SNAI3: variants seen among roughly 807,000 people sequenced by gnomAD.
SNAI3 encodes snail family transcriptional repressor 3.
SNAI3 carries 21 observed loss-of-function variants against 16.4 expected under a neutral mutation model. The observed-to-expected ratio is 1.28, with a 90% CI of 0.91 to 1.85. The LOEUF is 1.85. Ranked by LOEUF, SNAI3 falls within the 40% of genes most tolerant of loss-of-function variation. SNAI3 has a pLI of 0.00. For missense variants in SNAI3, 457 were observed against 372.8 expected (o/e 1.23, Z -1.86); for synonymous variants, 202 against 166.6 (o/e 1.21, Z -1.64).
At chr16:88,684,360 G>A (rs1001366854) in intron 1 of SNAI3, among the ~76,000 whole-genome samples, 6 of 152,202 alleles carry the variant, frequency 3.9e-5, no homozygotes, top group African/African-American at 1.2e-4. Flanking sequence ...GAGGCAGGAC[G>A]GGGCAAGAGA....
chr16:88,678,423 C>T lies in SNAI3; in HGVS notation c.*25G>A. The T allele has an allele frequency of 5.4e-6, 4 of 747,154 alleles. No individual in the cohort carries two copies. The highest frequency in any genetic ancestry group is 7.4e-6 in the Non-Finnish European group (3 of 407,018). The allele number at this position is 747,154 out of a possible 1,614,324, so 46.3% of individuals were successfully genotyped here. The stretch of plus-strand genomic sequence containing the variant: ...AGCTCTCCCGGTGAGGACCATCCCT[C>T]CTACCTGCGCCGACCACGTGCCTCT... On this transcript the variant is annotated 3_prime_UTR_variant, in exon 3 of 3. Transcript: ENST00000332281.
intron 1 of SNAI3, 79 bp downstream of exon 1, chr16:88,686,252 C>G (rs1909354667): frequency 6.6e-7 from 1 of 1,519,934 alleles, no homozygotes; most frequent in Non-Finnish European, 8.9e-7. Flanking sequence ...CCCCAGCCCC[C>G]GCTCCCAGGG....
intron 2 of SNAI3, 187 bp from the exon 3 acceptor site, chr16:88,678,816 G>A: frequency 1.0e-6 from 1 of 985,478 alleles, no homozygotes; most frequent in Non-Finnish European, 1.2e-6. Flanking sequence ...CAGGAGCACA[G>A]GCAGCCACAG....
intron 2 of SNAI3, among the ~76,000 whole-genome samples, chr16:88,680,263 A>C (rs920130366): frequency 8.6e-6 from 1 of 116,798 alleles, no homozygotes; most frequent in Admixed American, 9.1e-5. Flanking sequence ...CTTTAATGGC[A>C]TTATGTTTTT....
chr16:88,679,775 A>AAAAAAAAAG lies in SNAI3; in HGVS notation c.698-1147_698-1146insCTTTTTTTT, dbSNP rs1555545688. Among the ~76,000 whole-genome samples, 814 of 106,504 alleles carry AAAAAAAAAG rather than the reference A, an allele frequency of 7.6e-3. 14 individuals are homozygous for AAAAAAAAAG. Among genetic ancestry groups the AAAAAAAAAG allele is most frequent in the African/African-American group, 0.012 (334 of 28,738 alleles). The allele number at this position is 106,504 out of a possible 152,430, so 69.9% of individuals were successfully genotyped here. ...AGACTCTGTCTCAAAAAAAAAAAAA[A>AAAAAAAAAG]AAAAAAAGAAAAAGTGTGAACTAGC... On this transcript the variant is annotated intron_variant, in intron 2 of 2. Transcript: ENST00000332281.
intron 2 of SNAI3, among the ~76,000 whole-genome samples, chr16:88,680,248 T>C (rs1909119556): frequency 6.6e-6 from 1 of 151,670 alleles, no homozygotes; most frequent in Admixed American, 6.6e-5. Context: ...CAGGCCACTT[T>C]TGTACTTTAA....
chr16:88,680,134 G>C (rs556737171), intron 2 of SNAI3, among the ~76,000 whole-genome samples: 2 of 151,302 alleles, frequency 1.3e-5, no homozygotes, highest in South Asian at 4.2e-4. Flanking sequence ...TGTGGAGACT[G>C]AAGCTTATTC....
rs888977442 is a variant in SNAI3 at position 88,682,329 on chromosome 16, G to A, written c.77-615C>T. ...ACTCTACTGTGCTCTGAATGCAGCT[G>A]AGCCACATGGCTGGGGTGCTCTGGC... On this transcript the variant is annotated intron_variant, in intron 1 of 2. Transcript: ENST00000332281. Among the ~76,000 whole-genome samples the A allele has an allele frequency of 5.9e-5, 9 of 152,348 alleles. No homozygotes were observed. In the East Asian group the frequency reaches 1.2e-3, roughly 20 times the overall value.
rs1034883449 is a variant in SNAI3, at chr16:88,686,479, C to T, written c.-73G>A. On this transcript the variant is annotated 5_prime_UTR_variant, in exon 1 of 3. Coordinates refer to ENST00000332281, the MANE Select transcript of SNAI3 (RefSeq NM_178310.4). ...GCGCCTGGGTCCGGACTGCTGCGTCCGCCGGCGCTTGAAGGGGTCAGGCTC... is the reference window on the plus strand; with the variant it reads ...GCGCCTGGGTCCGGACTGCTGCGTCTGCCGGCGCTTGAAGGGGTCAGGCTC... The T allele has an allele frequency of 1.3e-6, 2 of 1,570,522 alleles. No homozygotes were observed. Among genetic ancestry groups the T allele is most frequent in the African/African-American group, 1.4e-5 (1 of 73,688 alleles).
chr16:88,681,503 C>T lies in SNAI3; in HGVS notation c.288G>A (p.Arg96=), dbSNP rs757977211. The T allele has an allele frequency of 9.7e-6, 15 of 1,545,358 alleles. No individual in the cohort carries two copies. Among genetic ancestry groups the T allele is most frequent in the Non-Finnish European group, 1.2e-5 (14 of 1,140,710 alleles). Residue 96 remains arginine (R), a synonymous_variant, in exon 2 of 3, where the codon CGG becomes CGA. Coordinates refer to ENST00000332281, the MANE Select transcript of SNAI3 (RefSeq NM_178310.4). The surrounding 1 kb of genome is among the most constrained non-coding windows in gnomAD (Gnocchi z 5.4). The part of the protein sequence containing the change: ...DALEVSEVDP[R]ASRAAIVPLK... Reference sequence around the variant, plus strand: ...GGGGTACAATGGCGGCCCGGCTGGCCCGAGGGTCGACCTCGCTGACTTCCA... The same window carrying T: ...GGGGTACAATGGCGGCCCGGCTGGCTCGAGGGTCGACCTCGCTGACTTCCA...
chr16:88,682,268 G>A (rs909306608), intron 1 of SNAI3, among the ~76,000 whole-genome samples: 13 of 152,260 alleles, frequency 8.5e-5, no homozygotes, highest in African/African-American at 2.9e-4. Flanking sequence ...ACGAGGCAGT[G>A]AGCTCAGAAG....
Position 88,678,133 on chromosome 16 carries a change from C to G in SNAI3, c.*315G>C, listed in dbSNP as rs1051802657. On this transcript the variant is annotated 3_prime_UTR_variant, in exon 3 of 3. Coordinates refer to ENST00000332281, the MANE Select transcript of SNAI3 (RefSeq NM_178310.4). ...TGCTGGCGGCCACCTCCCCGAGGCT[C>G]TGACTCTTGGAAGGGTAGCCCCGGA... The G allele has an allele frequency of 3.3e-6, 1 of 302,476 alleles. No individual in the cohort carries two copies. Among genetic ancestry groups the G allele is most frequent in the Non-Finnish European group, 6.2e-6 (1 of 161,084 alleles). 18.7% of individuals were successfully genotyped at this position (302,476 alleles called of 1,614,324 possible).
At chr16:88,684,975 A>G (rs1479472156) in intron 1 of SNAI3, among the ~76,000 whole-genome samples, 1 of 152,094 alleles carries the variant, frequency 6.6e-6, no homozygotes, top group Non-Finnish European at 1.5e-5. Context: ...CTGGGGCTAC[A>G]GTGAGGAGGG....
intron 1 of SNAI3, among the ~76,000 whole-genome samples, chr16:88,684,218 G>A (rs774635456): frequency 1.3e-5 from 2 of 152,178 alleles, no homozygotes; most frequent in South Asian, 2.1e-4. Context: ...CAGGTTTCCC[G>A]GCTTTGCTGG....
At chr16:88,684,290 C>G (rs1274483034) in intron 1 of SNAI3, among the ~76,000 whole-genome samples, 1 of 152,250 alleles carries the variant, frequency 6.6e-6, no homozygotes, top group Non-Finnish European at 1.5e-5. Flanking sequence ...GGCCACCTTT[C>G]TGCCTCCAGG....
intron 1 of SNAI3, among the ~76,000 whole-genome samples, chr16:88,683,076 C>A (rs910329326): frequency 2.0e-5 from 3 of 147,140 alleles, no homozygotes; most frequent in Non-Finnish European, 3.0e-5. Flanking sequence ...CGCACCTGGC[C>A]CCCCACCCTT....
At chr16:88,682,902 G>A (rs1909227657) in intron 1 of SNAI3, among the ~76,000 whole-genome samples, 2 of 149,684 alleles carry the variant, frequency 1.3e-5, no homozygotes, top group Non-Finnish European at 3.0e-5. Context: ...AGCCTCCTGC[G>A]TAGCTGGGAG....
chr16:88,678,754 G>A, intron 2 of SNAI3, 125 bp from the exon 3 acceptor site: 1 of 1,449,372 alleles, frequency 6.9e-7, no homozygotes, highest in Non-Finnish European at 9.1e-7. Flanking sequence ...GAGCACCCAA[G>A]GTTGAGCTGT....
In SNAI3 at chr16:88,680,275, A is replaced by ATTTTTTTTTTTTTTTTT. The variant is rs560411217; in HGVS notation, c.697+802_697+818dup. Reference sequence around the variant, plus strand: ...GTACTTTAATGGCATTATGTTTTTGATTTTTTTTTTTTTTTTTTTTTTTTT... The same window carrying ATTTTTTTTTTTTTTTTT: ...GTACTTTAATGGCATTATGTTTTTGATTTTTTTTTTTTTTTTTTTTTTTTTTTTTTTTTTTTTTTTTT... On this transcript the variant is annotated intron_variant, in intron 2 of 2. Coordinates refer to ENST00000332281, the MANE Select transcript of SNAI3 (RefSeq NM_178310.4). Among the ~76,000 whole-genome samples, 4 of 55,102 alleles carry ATTTTTTTTTTTTTTTTT rather than the reference A, an allele frequency of 7.3e-5. 1 individual carries two copies. Among genetic ancestry groups the ATTTTTTTTTTTTTTTTT allele is most frequent in the Non-Finnish European group, 9.4e-5 (3 of 31,800 alleles). The allele number at this position is 55,102 out of a possible 152,430, so 36.1% of individuals were successfully genotyped here. A position where few individuals can be genotyped will look rare whatever the true frequency, so the allele number is the denominator to read the frequency against.
Sources: allele counts gnomAD v4.1 joint callset (sites outside exome capture counted in the v4.1 genomes callset), GRCh38; gene constraint gnomAD v4.1.1; non-coding constraint Gnocchi (gnomAD v3.1); transcripts MANE v1.5; gene names NCBI Gene and HGNC (gene_info 2026-07-23, HGNC 2026-07-21).